VTA1: variants seen among roughly 807,000 people sequenced by gnomAD.
The protein encoded by VTA1 is vacuolar protein sorting-associated protein VTA1 homolog.
In VTA1, 24 loss-of-function variants were observed where a neutral mutation model predicts 36.9. The ratio of observed to expected loss-of-function variants is 0.65; its 90% CI spans 0.47 to 0.91. The LOEUF (loss-of-function observed/expected upper bound fraction) is 0.91, where lower values mean the gene tolerates loss of function less well. Ranked by LOEUF, VTA1 falls within the 40% of genes least tolerant of loss-of-function variation. VTA1 has a pLI of 0.00. For synonymous variants in VTA1, 142 were observed against 130.2 expected (o/e 1.09, Z -0.62); for missense variants, 393 against 377.2 (o/e 1.04, Z -0.35).
chr6:142,163,040 T>A (rs1774839162), intron 1 of VTA1, among the ~76,000 whole-genome samples: 1 of 152,192 alleles, frequency 6.6e-6, no homozygotes, highest in Non-Finnish European at 1.5e-5. Flanking sequence ...ATGGGCTGTG[T>A]TTACATTTGA....
At position 142,181,116 on chromosome 6, in the gene VTA1, T is replaced by TATATATATAC. The variant is rs753996612; in HGVS notation, c.412-8309_412-8308insTATATATACA. ...AAAAATATATATATATATATATATA[T>TATATATATAC]ACACACACACACACAGACACACTTT... On this transcript the variant is annotated intron_variant, in intron 4 of 7. Transcript: ENST00000367630. Among the ~76,000 whole-genome samples the TATATATATAC allele has an allele frequency of 5.7e-3, 491 of 86,804 alleles. 5 individuals carry two copies. The highest frequency in any genetic ancestry group is 0.018 in the East Asian group (41 of 2,232). The allele number at this position is 86,804 out of a possible 152,430, so 56.9% of individuals were successfully genotyped here. A position where few individuals can be genotyped will look rare whatever the true frequency, so the allele number is the denominator to read the frequency against.
At chr6:142,158,565 T>G (rs1371251968) in intron 1 of VTA1, among the ~76,000 whole-genome samples, 1 of 152,214 alleles carries the variant, frequency 6.6e-6, no homozygotes, top group Non-Finnish European at 1.5e-5. Context: ...TATTGCTGGA[T>G]CTTATGTTTT....
At chr6:142,179,302 A>T (rs1775181275) in intron 4 of VTA1, among the ~76,000 whole-genome samples, 1 of 152,120 alleles carries the variant, frequency 6.6e-6, no homozygotes, top group Non-Finnish European at 1.5e-5. Flanking sequence ...CCACTTTAGG[A>T]AAAGAGTTGG....
intron 7 of VTA1, among the ~76,000 whole-genome samples, chr6:142,208,800 T>C (rs925994956): frequency 1.3e-5 from 2 of 152,148 alleles, no homozygotes; most frequent in Admixed American, 1.3e-4. Context: ...GAATATTGTG[T>C]CCAGCAAAAT....
At chr6:142,157,265 A>G (rs1228048161) in intron 1 of VTA1, among the ~76,000 whole-genome samples, 1 of 152,260 alleles carries the variant, frequency 6.6e-6, no homozygotes, top group Admixed American at 6.5e-5. Flanking sequence ...AACTAAACCA[A>G]TAAAGAGAAG....
intron 4 of VTA1, among the ~76,000 whole-genome samples, chr6:142,183,043 G>GT (rs1301778175): frequency 3.3e-5 from 5 of 152,048 alleles, no homozygotes; most frequent in Admixed American, 6.5e-5. Flanking sequence ...GCAAGTGTAA[G>GT]GGGGGGCATC....
At chr6:142,177,199 T>G (rs985700565) in intron 4 of VTA1, among the ~76,000 whole-genome samples, 3 of 152,204 alleles carry the variant, frequency 2.0e-5, no homozygotes, top group Admixed American at 2.0e-4. Flanking sequence ...TGTACTCACT[T>G]GTATGATAAT....
rs995494881 is a variant in VTA1 at position 142,223,016 on chromosome 6, A to G, written c.*4373A>G. On this transcript the variant is annotated 3_prime_UTR_variant, in exon 8 of 8. Coordinates refer to ENST00000367630, the MANE Select transcript of VTA1 (RefSeq NM_016485.5). ...CCTGTTTCAGATCATAAGAAGTATC[A>G]TCCATGTCAGTAAGTCACCTGTTAC... 6.6e-6 allele frequency: 1 copy of G among 152,200 alleles called. No individual in the cohort carries two copies. The highest frequency in any genetic ancestry group is 1.5e-5 in the Non-Finnish European group (1 of 68,044). 9.4% of individuals were successfully genotyped at this position (152,200 alleles called of 1,614,324 possible). A position where few individuals can be genotyped will look rare whatever the true frequency, so the allele number is the denominator to read the frequency against.
Position 142,182,466 on chromosome 6 carries a change from A to C in VTA1, c.412-6960A>C, listed in dbSNP as rs993017030. Among the ~76,000 whole-genome samples the C allele has an allele frequency of 2.0e-5, 3 of 152,238 alleles. No homozygotes were observed. The East Asian group carries it at 5.8e-4, about 29-fold the overall frequency. On this transcript the variant is annotated intron_variant, in intron 4 of 7. Coordinates refer to ENST00000367630, the MANE Select transcript of VTA1 (RefSeq NM_016485.5). ...AAACTCATTAGTATGTTATTAAATA[A>C]TCAAGGTAAAAGATAATGCTTGCTA... is the stretch of plus-strand genomic sequence containing the variant.
intron 4 of VTA1, among the ~76,000 whole-genome samples, chr6:142,176,583 C>G (rs566692547): frequency 4.7e-5 from 7 of 149,474 alleles, no homozygotes; most frequent in Non-Finnish European, 1.0e-4. Flanking sequence ...CTCAAACTCT[C>G]TGTGATAAAG....
At chr6:142,215,834 T>C (rs186809607) in intron 7 of VTA1, among the ~76,000 whole-genome samples, 4 of 152,352 alleles carry the variant, frequency 2.6e-5, no homozygotes, top group East Asian at 1.9e-4. Context: ...TTTTTCTTTA[T>C]ACCAAGTGAT....
chr6:142,221,496 T>G lies in VTA1; in HGVS notation c.*2853T>G, dbSNP rs974927265. On this transcript the variant is annotated 3_prime_UTR_variant, in exon 8 of 8. Coordinates refer to ENST00000367630, the MANE Select transcript of VTA1 (RefSeq NM_016485.5). Reference sequence around the variant, plus strand: ...AGCTAAAAGCTTAGGATCATAAAGCTTTTTTGTAAGACACTTGACTGGGAG... The same window carrying G: ...AGCTAAAAGCTTAGGATCATAAAGCGTTTTTGTAAGACACTTGACTGGGAG... 1 of 152,096 alleles carries G rather than the reference T, an allele frequency of 6.6e-6. No individual in the cohort carries two copies. The highest frequency in any genetic ancestry group is 2.4e-5 in the African/African-American group (1 of 41,416). 9.4% of individuals were successfully genotyped at this position (152,096 alleles called of 1,614,324 possible).
chr6:142,166,455 C>A, intron 2 of VTA1, 133 bp downstream of exon 2: 1 of 578,830 alleles, frequency 1.7e-6, no homozygotes, highest in Non-Finnish European at 3.0e-6. Context: ...TGAGGAAAAA[C>A]TAGTAATAAT....
At chr6:142,204,682 CCT>C (rs1582902127) in intron 7 of VTA1, among the ~76,000 whole-genome samples, 8 of 143,704 alleles carry the variant, frequency 5.6e-5, no homozygotes, top group Non-Finnish European at 1.2e-4. Context: ...AAATTTTAAT[CCT>C]TTTATATTTA....
At chr6:142,211,909 T>A (rs1195420368) in intron 7 of VTA1, among the ~76,000 whole-genome samples, 1 of 152,012 alleles carries the variant, frequency 6.6e-6, no homozygotes, top group Middle Eastern at 3.2e-3. Flanking sequence ...AAAGCAGACA[T>A]ATGAGAAGAT....
Position 142,210,158 on chromosome 6 carries a change from C to A in VTA1, c.778+6093C>A, listed in dbSNP as rs569968593. On this transcript the variant is annotated intron_variant, in intron 7 of 7. Transcript: ENST00000367630. ...TTTTGACAAAGATGCCGAGAACATACAATGGGGAAAGGACAATTTTTTCAA... is the reference window on the plus strand; with the variant it reads ...TTTTGACAAAGATGCCGAGAACATAAAATGGGGAAAGGACAATTTTTTCAA... Among the ~76,000 whole-genome samples the A allele has an allele frequency of 5.3e-5, 8 of 152,182 alleles. 1 individual carries two copies. In the South Asian group the frequency reaches 1.7e-3, roughly 32 times the overall value.
rs1229760618 is a variant in VTA1, at chr6:142,220,595, A to T, written c.*1952A>T. 6 of 152,236 alleles carry T rather than the reference A, an allele frequency of 3.9e-5. No individual in the cohort carries two copies. The highest frequency in any genetic ancestry group is 8.8e-5 in the Non-Finnish European group (6 of 68,042). The allele number at this position is 152,236 out of a possible 1,614,324, so 9.4% of individuals were successfully genotyped here. On this transcript the variant is annotated 3_prime_UTR_variant, in exon 8 of 8. Transcript: ENST00000367630. ...GTTTAGTGTCAATACTAATGCTCTAATAATGTAAATTGTTAATAATTTATT... is the reference window on the plus strand; with the variant it reads ...GTTTAGTGTCAATACTAATGCTCTATTAATGTAAATTGTTAATAATTTATT...
rs763634462 is a variant in VTA1, at chr6:142,165,980, CTTT to C, written c.113-235_113-233del. 1.6e-3 allele frequency among the ~76,000 whole-genome samples: 208 copies of C among 133,388 alleles called. 2 individuals are homozygous for C. Among genetic ancestry groups the C allele is most frequent in the African/African-American group, 5.2e-3 (191 of 37,050 alleles). 87.5% of individuals were successfully genotyped at this position (133,388 alleles called of 152,430 possible). Reference sequence around the variant, plus strand: ...GACAGCTTAGGACATACCTAGTCCTCTTTTTTTTTTTTTTTAACATAATACCAA... The same window carrying C: ...GACAGCTTAGGACATACCTAGTCCTCTTTTTTTTTTTTAACATAATACCAA... On this transcript the variant is annotated intron_variant, in intron 1 of 7. Coordinates refer to ENST00000367630, the MANE Select transcript of VTA1 (RefSeq NM_016485.5).
At chr6:142,192,516 A>C (rs1562265237) in intron 5 of VTA1, among the ~76,000 whole-genome samples, 3 of 152,062 alleles carry the variant, frequency 2.0e-5, no homozygotes, top group African/African-American at 7.2e-5. Flanking sequence ...GTTTTGATAC[A>C]ATGTTAAATT....
Sources: gnomAD v4.1 joint callset for allele counts (sites outside exome capture counted in the v4.1 genomes callset) on GRCh38, gnomAD v4.1.1 for gene constraint, MANE v1.5 for transcripts, NCBI Gene and HGNC (gene_info 2026-07-23, HGNC 2026-07-21) for gene names.